Variants in DIP2C observed in about 807,000 individuals in gnomAD.
DIP2C encodes disco-interacting protein 2 homolog C.
Under a neutral mutation model 192.4 loss-of-function variants are expected in DIP2C, and 33 were observed. The observed-to-expected ratio is 0.17, with a 90% CI of 0.13 to 0.23. The LOEUF is 0.23. Ranked by LOEUF, DIP2C falls within the 10% of genes least tolerant of loss-of-function variation. The pLI, the probability that DIP2C is intolerant of heterozygous loss-of-function variation, is 1.00. For missense variants in DIP2C, 1,537 were observed against 2,110.1 expected, an observed-to-expected ratio of 0.73 and a Z score of 5.32; for synonymous variants, 979 against 864.1, an observed-to-expected ratio of 1.13 and a Z score of -2.33.
chr10:686,760 C>T (rs1021889013), intron 1 of DIP2C, among the ~76,000 whole-genome samples: 3 of 152,382 alleles, frequency 2.0e-5, no homozygotes, highest in East Asian at 1.9e-4. Flanking sequence ...ATGGAGCCCT[C>T]GGCCCCGCAG....
At chr10:566,888 C>G (rs890685174) in intron 1 of DIP2C, among the ~76,000 whole-genome samples, 1 of 152,230 alleles carries the variant, frequency 6.6e-6, no homozygotes, top group African/African-American at 2.4e-5. Context: ...GCCTCTGAAC[C>G]AAGGCTTGGA....
At chr10:656,334 C>T (rs1856333797) in intron 1 of DIP2C, among the ~76,000 whole-genome samples, 1 of 152,102 alleles carries the variant, frequency 6.6e-6, no homozygotes, top group Admixed American at 6.6e-5. Context: ...TTATCGAACA[C>T]TCTACTATTT....
intron 1 of DIP2C, among the ~76,000 whole-genome samples, chr10:618,311 G>A (rs889045438): frequency 1.3e-5 from 2 of 152,214 alleles, no homozygotes; most frequent in East Asian, 3.8e-4. Flanking sequence ...ACTGGGTTCT[G>A]GCTGGCTTGC....
chr10:640,674 T>C (rs61833009), intron 1 of DIP2C, among the ~76,000 whole-genome samples: 1 of 91,206 alleles, frequency 1.1e-5, no homozygotes, highest in Non-Finnish European at 2.2e-5. Flanking sequence ...CGCGCGGGGA[T>C]GAGGGTGCGC....
intron 1 of DIP2C, among the ~76,000 whole-genome samples, chr10:629,565 C>A (rs1854394674): frequency 6.6e-6 from 1 of 152,232 alleles, no homozygotes; most frequent in Non-Finnish European, 1.5e-5. Flanking sequence ...GAGACCACAG[C>A]CTCCAGCAGG....
At chr10:487,567 GTTTTTTTTTTTTTT>G (rs71376836) in intron 1 of DIP2C, among the ~76,000 whole-genome samples, 6 of 54,164 alleles carry the variant, frequency 1.1e-4, no homozygotes, top group East Asian at 6.6e-4. Flanking sequence ...ATCAATGAGT[GTTTTTTTTTTTTTT>G]TTTTTTTTTT....
chr10:367,224 T>C (rs186379201), intron 18 of DIP2C, among the ~76,000 whole-genome samples: 2,452 of 152,232 alleles, frequency 0.016, 36 homozygotes, highest in Non-Finnish European at 0.027. Context: ...GAGACCATCC[T>C]GGCTAACATG....
chr10:470,414 AC>A (rs1023490532), intron 3 of DIP2C, among the ~76,000 whole-genome samples: 1 of 151,966 alleles, frequency 6.6e-6, no homozygotes, highest in Admixed American at 6.6e-5. Flanking sequence ...ACTCTCAGCC[AC>A]CCCCTCTGCC....
intron 29 of DIP2C, among the ~76,000 whole-genome samples, chr10:330,705 C>A (rs186576209): frequency 6.7e-6 from 1 of 148,986 alleles, no homozygotes; most frequent in African/African-American, 2.5e-5. Context: ...TCTTGAACTT[C>A]GGGGCTCAAG....
At chr10:283,565 C>T in intron 34 of DIP2C, 119 bp from the exon 35 acceptor site, 1 of 1,230,880 alleles carries the variant, frequency 8.1e-7, no homozygotes, top group South Asian at 1.5e-5. Flanking sequence ...TTTCCTTGGA[C>T]TGAATAACCA....
At chr10:580,832 A>T (rs1381548615) in intron 1 of DIP2C, among the ~76,000 whole-genome samples, 1 of 152,228 alleles carries the variant, frequency 6.6e-6, no homozygotes, top group Non-Finnish European at 1.5e-5. Flanking sequence ...GAAGGGCGCA[A>T]CCACTTTCTG....
rs59721670 is a variant in DIP2C, at chr10:565,354, T to TAAAA, written c.86-78828_86-78825dup. On this transcript the variant is annotated intron_variant, in intron 1 of 36. Coordinates refer to ENST00000280886, the MANE Select transcript of DIP2C (RefSeq NM_014974.3). The stretch of plus-strand genomic sequence containing the variant: ...AAAATATGAAACAGTACCTGCATTC[T>TAAAA]AAAAAAAAAAAAAAAAAGACCTAGA... Among the ~76,000 whole-genome samples the TAAAA allele has an allele frequency of 4.3e-4, 49 of 114,112 alleles. 1 individual carries two copies. The highest frequency in any genetic ancestry group is 1.5e-3 in the African/African-American group (40 of 26,682). The allele number at this position is 114,112 out of a possible 152,430, so 74.9% of individuals were successfully genotyped here. A position where few individuals can be genotyped will look rare whatever the true frequency, so the allele number is the denominator to read the frequency against.
chr10:652,083 T>A lies in DIP2C; in HGVS notation c.85+37411A>T, dbSNP rs1021584246. ...AGTTGACCCACAAAGCTCAAGCTTGTGTGGTACAAGAGTCAACTGTATGCA... is the reference window on the plus strand; with the variant it reads ...AGTTGACCCACAAAGCTCAAGCTTGAGTGGTACAAGAGTCAACTGTATGCA... On this transcript the variant is annotated intron_variant, in intron 1 of 36. Transcript: ENST00000280886. The surrounding 1 kb of genome is among the most constrained non-coding windows in gnomAD (Gnocchi z 4.5). 6.3e-6 allele frequency: 1 copy of A among 159,198 alleles called. No individual in the cohort carries two copies. The highest frequency in any genetic ancestry group is 2.4e-5 in the African/African-American group (1 of 41,496). 9.9% of individuals were successfully genotyped at this position (159,198 alleles called of 1,614,324 possible).
At position 652,318 on chromosome 10, in the gene DIP2C, C is replaced by T. The variant is rs1564308465; in HGVS notation, c.85+37176G>A. 1 of 210,788 alleles carries T rather than the reference C, an allele frequency of 4.7e-6. No individual in the cohort carries two copies. Among genetic ancestry groups the T allele is most frequent in the Non-Finnish European group, 9.6e-6 (1 of 103,724 alleles). The allele number at this position is 210,788 out of a possible 1,614,324, so 13.1% of individuals were successfully genotyped here. ...CATCTTCCTCGGCATCTTCCTCCAT[C>T]GACAGCAGCCTGGGCTCACCTCCCA... On this transcript the variant is annotated intron_variant, in intron 1 of 36. Transcript: ENST00000280886. This position sits in a 1 kb window ranked among gnomAD's most constrained non-coding sequence, Gnocchi z 4.5.
intron 32 of DIP2C, among the ~76,000 whole-genome samples, chr10:296,649 CA>C (rs1337245094): frequency 3.9e-5 from 6 of 152,002 alleles, no homozygotes; most frequent in Non-Finnish European, 5.9e-5. Flanking sequence ...AAATGCCCAT[CA>C]ATGATAGACT....
chr10:610,076 GA>G (rs1852969576), intron 1 of DIP2C, among the ~76,000 whole-genome samples: 1 of 152,204 alleles, frequency 6.6e-6, no homozygotes, highest in African/African-American at 2.4e-5. Flanking sequence ...GGAATCACCT[GA>G]GTGCCGGTCA....
chr10:517,110 GC>G (rs1487188202), intron 1 of DIP2C, among the ~76,000 whole-genome samples: 1 of 151,838 alleles, frequency 6.6e-6, no homozygotes, highest in Non-Finnish European at 1.5e-5. Flanking sequence ...CACGGACTTG[GC>G]CCCTCCATCC....
At chr10:598,420 A>G (rs1439838077) in intron 1 of DIP2C, among the ~76,000 whole-genome samples, 9 of 152,252 alleles carry the variant, frequency 5.9e-5, no homozygotes, top group Non-Finnish European at 1.3e-4. Context: ...CTCAATCCAT[A>G]TGGCCAGCCC....
intron 2 of DIP2C, among the ~76,000 whole-genome samples, chr10:480,366 G>C (rs975680521): frequency 1.4e-5 from 2 of 144,388 alleles, no homozygotes; most frequent in Admixed American, 7.0e-5. Flanking sequence ...CCTGAGCTCC[G>C]GTCCATGCTC....
Sources: gnomAD v4.1 joint callset for allele counts (sites outside exome capture counted in the v4.1 genomes callset) on GRCh38, gnomAD v4.1.1 for gene constraint, Gnocchi (gnomAD v3.1) non-coding constraint, MANE v1.5 for transcripts, NCBI Gene and HGNC (gene_info 2026-07-23, HGNC 2026-07-21) for gene names.